The following SCNN1A variants were observed in gnomAD, a reference collection of about 807,000 sequenced individuals.
The protein encoded by SCNN1A is sodium channel epithelial 1 subunit alpha.
In SCNN1A, 65 loss-of-function variants were observed where a neutral mutation model predicts 68.6. The ratio of observed to expected loss-of-function variants is 0.95; its 90% CI spans 0.78 to 1.16. The LOEUF is 1.16. SCNN1A is among the 50% of genes most tolerant of loss of function. SCNN1A has a pLI of 0.00. For synonymous variants in SCNN1A, 357 were observed against 353.3 expected, an observed-to-expected ratio of 1.01 and a Z score of -0.12; for missense variants, 880 against 865.9, an observed-to-expected ratio of 1.02 and a Z score of -0.20.
Position 6,355,367 on chromosome 12 carries a change from G to A in SCNN1A, c.1048C>T (p.Arg350Trp), listed in dbSNP as rs181065138. 7.4e-6 allele frequency: 12 copies of A among 1,613,948 alleles called. No individual in the cohort carries two copies. Among genetic ancestry groups the A allele is most frequent in the East Asian group, 4.5e-5 (2 of 44,874 alleles). The change falls in exon 6 of 13, where the codon CGG (arginine) becomes TGG (tryptophan). Residue 350 changes from arginine to tryptophan, a missense_variant. Arg to Trp is a moderately radical substitution (Grantham distance 101). Around this residue, in one of 3 missense-constraint regions of SCNN1A, gnomAD observed 758 missense variants for 721.8 expected, o/e 1.05. Transcript: ENST00000228916. ...TCATCCTGCCCGTGCACCATTACCC[G>A]GGCCCCAGTCACTGTGGACAGCAGG... is the stretch of plus-strand genomic sequence containing the variant. ...IPLLSTVTGA[R>W]VMVHGQDEPA... is the part of the protein sequence containing the mutation.
chr12:6,363,597 C>A lies in SCNN1A; in HGVS notation c.530G>T (p.Arg177Leu), dbSNP rs1344583893. 1 of 1,612,114 alleles carries A rather than the reference C, an allele frequency of 6.2e-7. No individual in the cohort carries two copies. The highest frequency in any genetic ancestry group is 2.2e-5 in the East Asian group (1 of 44,836). The change falls in exon 3 of 13, where the codon CGT (arginine) becomes CTT (leucine). Residue 177 changes from arginine to leucine, a missense_variant. By Grantham distance (102) the Arg-to-Leu change is moderately radical (BLOSUM62 -2). This residue lies in a region of SCNN1A where 758 missense variants were observed against 721.8 expected (regional missense o/e 1.05). Coordinates refer to ENST00000228916, the MANE Select transcript of SCNN1A (RefSeq NM_001038.6). Reference protein sequence around the residue: ...FTTLVAGSRSRRDLRGTLPHP... With the variant: ...FTTLVAGSRSLRDLRGTLPHP... Reference sequence around the variant, plus strand: ...CGGCAGAGTCCCCCGCAGGTCGCGACGGCTGCGGGAGCCGGCCACGAGAGT... The same window carrying A: ...CGGCAGAGTCCCCCGCAGGTCGCGAAGGCTGCGGGAGCCGGCCACGAGAGT...
At chr12:6,355,717 G>A (rs72657586) in intron 5 of SCNN1A, 60 bp downstream of exon 5, 371 of 1,202,246 alleles carry the variant, frequency 3.1e-4, no homozygotes, top group Non-Finnish European at 4.1e-4. Flanking sequence ...TGAGCTCAAG[G>A]TAAGTACAGG....
rs191399312 is a variant in SCNN1A at position 6,353,966 on chromosome 12, G to A, written c.1360+472C>T. On this transcript the variant is annotated intron_variant, in intron 8 of 12. Transcript: ENST00000228916. Reference sequence around the variant, plus strand: ...ACAGAGAGACTGCAACACTGAGAGGGAGGAACAGAGATAGAAGAGAGAGGG... The same window carrying A: ...ACAGAGAGACTGCAACACTGAGAGGAAGGAACAGAGATAGAAGAGAGAGGG... 7.9e-4 allele frequency: 135 copies of A among 171,558 alleles called. 3 individuals are homozygous for A. The highest frequency in any genetic ancestry group is 6.9e-3 in the South Asian group (56 of 8,134). The allele number at this position is 171,558 out of a possible 1,614,324, so 10.6% of individuals were successfully genotyped here. A position where few individuals can be genotyped will look rare whatever the true frequency, so the allele number is the denominator to read the frequency against.
intron 2 of SCNN1A, among the ~76,000 whole-genome samples, chr12:6,364,768 A>AAAC (rs80014705): frequency 6.6e-6 from 1 of 151,694 alleles, no homozygotes; most frequent in East Asian, 1.9e-4. Flanking sequence ...TCTCAAAAAA[A>AAAC]AAAAAAAATT....
intron 8 of SCNN1A, chr12:6,350,123 A>C (rs1948354526): frequency 6.5e-6 from 1 of 154,154 alleles, no homozygotes; most frequent in Non-Finnish European, 1.5e-5. Context: ...GGACAAAAAC[A>C]TAAACGCCAT....
chr12:6,364,331 C>T (rs572394346), intron 2 of SCNN1A, among the ~76,000 whole-genome samples: 2 of 152,308 alleles, frequency 1.3e-5, no homozygotes, highest in South Asian at 4.1e-4. Flanking sequence ...TAATACAATT[C>T]CTATTACCAT....
rs886049755 is a variant in SCNN1A at position 6,347,458 on chromosome 12, G to A, written c.*415C>T. ...AGCAGTGTGGCCAGGCCAGTCGGGG[G>A]CTGGCTTAAGCCGTCGCTGGGCAGG... On this transcript the variant is annotated 3_prime_UTR_variant, in exon 13 of 13. Coordinates refer to ENST00000228916, the MANE Select transcript of SCNN1A (RefSeq NM_001038.6). 9.3e-6 allele frequency: 2 copies of A among 214,656 alleles called. No individual in the cohort carries two copies. The highest frequency in any genetic ancestry group is 5.1e-5 in the Admixed American group (1 of 19,462). The allele number at this position is 214,656 out of a possible 1,614,324, so 13.3% of individuals were successfully genotyped here.
At chr12:6,371,068 C>A (rs1311375832) in intron 2 of SCNN1A, among the ~76,000 whole-genome samples, 1 of 152,168 alleles carries the variant, frequency 6.6e-6, no homozygotes, top group African/African-American at 2.4e-5. Flanking sequence ...GTCTTCAGTG[C>A]TTTGTCCCCT....
intron 2 of SCNN1A, among the ~76,000 whole-genome samples, chr12:6,367,270 G>A (rs960105112): frequency 1.3e-5 from 2 of 152,172 alleles, no homozygotes; most frequent in Admixed American, 6.5e-5. Context: ...ATCATAGCTA[G>A]CATTTATTGA....
chr12:6,371,472 T>C (rs1476111920), intron 2 of SCNN1A, among the ~76,000 whole-genome samples: 2 of 146,808 alleles, frequency 1.4e-5, no homozygotes, highest in African/African-American at 5.0e-5. Flanking sequence ...CACACTAGGT[T>C]TGTGACTCAG....
chr12:6,347,529 G>C lies in SCNN1A; in HGVS notation c.*344C>G, dbSNP rs1948278933. 1 of 361,474 alleles carries C rather than the reference G, an allele frequency of 2.8e-6. No individual in the cohort carries two copies. Among genetic ancestry groups the C allele is most frequent in the South Asian group, 3.1e-5 (1 of 32,052 alleles). The allele number at this position is 361,474 out of a possible 1,614,324, so 22.4% of individuals were successfully genotyped here. A position where few individuals can be genotyped will look rare whatever the true frequency, so the allele number is the denominator to read the frequency against. ...GTACCCTTGGTTGTGTTTTGTCCTGGTTATCAGCGGTTTCTTAGGAAAGTT... is the reference window on the plus strand; with the variant it reads ...GTACCCTTGGTTGTGTTTTGTCCTGCTTATCAGCGGTTTCTTAGGAAAGTT... On this transcript the variant is annotated 3_prime_UTR_variant, in exon 13 of 13. Transcript: ENST00000228916.
chr12:6,366,261 A>G (rs910243540), intron 2 of SCNN1A, among the ~76,000 whole-genome samples: 16 of 152,180 alleles, frequency 1.1e-4, no homozygotes, highest in African/African-American at 3.6e-4. Flanking sequence ...AAAAAGTTAG[A>G]TATAGAGTTA....
Position 6,368,274 on chromosome 12 carries a change from G to A in SCNN1A, c.417-4564C>T, listed in dbSNP as rs1025471902. On this transcript the variant is annotated intron_variant, in intron 2 of 12. Transcript: ENST00000228916. ...GCTGCTGCATGATTCGATAATATTC[G>A]TGGACAGGAAAAGGAAAGTGACCCA... Among the ~76,000 whole-genome samples, 6 of 152,154 alleles carry A rather than the reference G, an allele frequency of 3.9e-5. No homozygotes were observed. The South Asian group carries it at 1.0e-3, about 26-fold the overall frequency.
intron 2 of SCNN1A, among the ~76,000 whole-genome samples, chr12:6,366,750 A>C (rs1405970216): frequency 6.6e-6 from 1 of 152,018 alleles, no homozygotes; most frequent in East Asian, 1.9e-4. Flanking sequence ...CAGGGAGCCA[A>C]GATCTCGCCA....
intron 3 of SCNN1A, among the ~76,000 whole-genome samples, chr12:6,362,460 A>T (rs1246173305): frequency 6.6e-6 from 1 of 151,898 alleles, no homozygotes; most frequent in Non-Finnish European, 1.5e-5. Context: ...AGGAAAGGAG[A>T]CCAGTAGCTG....
Position 6,349,240 on chromosome 12 carries a change from G to A in SCNN1A, c.1440-19C>T, listed in dbSNP as rs1289738895. ...GGTCACGCTGGGGATGGAGAAAGGT[G>A]CTCAGTGTTGGGGCAGAGCTCTCCC... On this transcript the variant is annotated intron_variant, in intron 9 of 12. Transcript: ENST00000228916. 6.2e-7 allele frequency: 1 copy of A among 1,614,048 alleles called. No homozygotes were observed. Among genetic ancestry groups the A allele is most frequent in the Non-Finnish European group, 8.5e-7 (1 of 1,179,930 alleles).
chr12:6,369,150 C>T (rs1948732585), intron 2 of SCNN1A, among the ~76,000 whole-genome samples: 1 of 151,910 alleles, frequency 6.6e-6, no homozygotes, highest in Non-Finnish European at 1.5e-5. Context: ...GCCTCCTGCC[C>T]CTCCCTCTCT....
At chr12:6,359,231 T>C (rs1948544851) in intron 4 of SCNN1A, among the ~76,000 whole-genome samples, 2 of 152,088 alleles carry the variant, frequency 1.3e-5, no homozygotes, top group Admixed American at 6.6e-5. Flanking sequence ...ATTAAAAGAA[T>C]ACATTTATGG....
chr12:6,349,161 T>G lies in SCNN1A; in HGVS notation c.1497+3A>C. ...CCCCACCCATCCCTTCCCCACACTCTACCTGGGATGTCACCGAGGGCCATC... is the reference window on the plus strand; with the variant it reads ...CCCCACCCATCCCTTCCCCACACTCGACCTGGGATGTCACCGAGGGCCATC... On this transcript the variant is annotated splice_donor_region_variant and intron_variant, in intron 10 of 12. Transcript: ENST00000228916. 6.2e-7 allele frequency: 1 copy of G among 1,612,978 alleles called. No homozygotes were observed. The highest frequency in any genetic ancestry group is 8.5e-7 in the Non-Finnish European group (1 of 1,179,076).
Sources: allele counts gnomAD v4.1 joint callset (sites outside exome capture counted in the v4.1 genomes callset), GRCh38; gene constraint gnomAD v4.1.1; regional missense constraint gnomAD v4.1.1; transcripts MANE v1.5; gene names NCBI Gene and HGNC (gene_info 2026-07-23, HGNC 2026-07-21).